The following KIRREL3 variants were observed in gnomAD, a reference collection of about 807,000 sequenced individuals.
KIRREL3 encodes kirre like nephrin family adhesion molecule 3.
In KIRREL3, 36 loss-of-function variants were observed where a neutral mutation model predicts 89.7. The ratio of observed to expected loss-of-function variants is 0.40; its 90% CI spans 0.31 to 0.53. The LOEUF is 0.53. KIRREL3 is among the 20% of genes least tolerant of loss of function. The probability of loss-of-function intolerance (pLI) is 0.49; values close to 1 mark genes in which losing one functional copy is unlikely to be tolerated. For synonymous variants in KIRREL3, 445 were observed against 441.4 expected, an observed-to-expected ratio of 1.01 and a Z score of -0.10; for missense variants, 864 against 1,056.6, an observed-to-expected ratio of 0.82 and a Z score of 2.53.
rs1019183851 is a variant in KIRREL3, at chr11:126,441,474, G to T, written c.1253-925C>A. On this transcript the variant is annotated intron_variant, in intron 10 of 16. Transcript: ENST00000525144. The surrounding 1 kb of genome is among the most constrained non-coding windows in gnomAD (Gnocchi z 5.0). ...AGAAGGAGCAGCTAGCTTAGCCTGGGCTCTGCTGGCTTCCTGGCTGGGCTG... is the reference window on the plus strand; with the variant it reads ...AGAAGGAGCAGCTAGCTTAGCCTGGTCTCTGCTGGCTTCCTGGCTGGGCTG... Among the ~76,000 whole-genome samples, 5 of 152,214 alleles carry T rather than the reference G, an allele frequency of 3.3e-5. No individual in the cohort carries two copies. The highest frequency in any genetic ancestry group is 1.2e-4 in the African/African-American group (5 of 41,454).
At chr11:126,862,280 A>T (rs1387708803) in intron 1 of KIRREL3, among the ~76,000 whole-genome samples, 1 of 152,204 alleles carries the variant, frequency 6.6e-6, no homozygotes, top group East Asian at 1.9e-4. Context: ...ACCCAAATGG[A>T]TTCTCAGCCA....
chr11:126,946,491 T>C lies in KIRREL3; in HGVS notation c.55+53964A>G, dbSNP rs1396610630. Among the ~76,000 whole-genome samples, 1 of 152,212 alleles carries C rather than the reference T, an allele frequency of 6.6e-6. No individual in the cohort carries two copies. The highest frequency in any genetic ancestry group is 1.5e-5 in the Non-Finnish European group (1 of 68,038). On this transcript the variant is annotated intron_variant, in intron 1 of 16. Coordinates refer to ENST00000525144, the MANE Select transcript of KIRREL3 (RefSeq NM_032531.4). The surrounding 1 kb of genome is among the most constrained non-coding windows in gnomAD (Gnocchi z 4.1). ...GACTAATACAAATGCCCATAAAATC[T>C]ACAGACTAGACTAGATGTTAAGTAA...
Position 126,747,990 on chromosome 11 carries a change from C to G in KIRREL3, c.56-185078G>C, listed in dbSNP as rs1038086546. On this transcript the variant is annotated intron_variant, in intron 1 of 16. Coordinates refer to ENST00000525144, the MANE Select transcript of KIRREL3 (RefSeq NM_032531.4). The surrounding 1 kb of genome is among the most constrained non-coding windows in gnomAD (Gnocchi z 4.7). ...ACTCTTTCTCAGTCTCCATCTGACC[C>G]GTGCCTAGCATCGTGGCCCCTGTAA... Among the ~76,000 whole-genome samples, 2 of 152,168 alleles carry G rather than the reference C, an allele frequency of 1.3e-5. No homozygotes were observed. The highest frequency in any genetic ancestry group is 4.8e-5 in the African/African-American group (2 of 41,440).
chr11:126,698,382 A>C (rs1023110822), intron 1 of KIRREL3, among the ~76,000 whole-genome samples: 1 of 152,192 alleles, frequency 6.6e-6, no homozygotes, highest in Non-Finnish European at 1.5e-5. Context: ...AAAGTTGTAT[A>C]ATCTCTCCAA....
intron 2 of KIRREL3, among the ~76,000 whole-genome samples, chr11:126,545,640 T>TAAAATAAAATAAAATAAAATAAAATA (rs367868978): frequency 1.5e-4 from 18 of 119,676 alleles, no homozygotes; most frequent in African/African-American, 5.6e-4. Context: ...TAAAATAAAA[T>TAAAATAAAATAAAATAAAATAAAATA]AAATAAAATA....
At position 126,564,742 on chromosome 11, in the gene KIRREL3, T is replaced by C. The variant is rs114042433; in HGVS notation, c.56-1830A>G. 7.9e-3 allele frequency among the ~76,000 whole-genome samples: 1,208 copies of C among 152,276 alleles called. 15 individuals are homozygous for C. The highest frequency in any genetic ancestry group is 0.028 in the African/African-American group (1,154 of 41,562). ...TTACTTACTGTATTTGTGGATTCTT[T>C]CTAACAACCACCTTCAAGAGGCAGG... On this transcript the variant is annotated intron_variant, in intron 1 of 16. Coordinates refer to ENST00000525144, the MANE Select transcript of KIRREL3 (RefSeq NM_032531.4). This position sits in a 1 kb window ranked among gnomAD's most constrained non-coding sequence, Gnocchi z 7.4.
chr11:126,921,192 C>T (rs969809791), intron 1 of KIRREL3, among the ~76,000 whole-genome samples: 3 of 152,288 alleles, frequency 2.0e-5, no homozygotes, highest in Non-Finnish European at 2.9e-5. Context: ...CTCTGGGACT[C>T]GCACCAGGGG....
At chr11:126,821,835 G>C (rs1238453521) in intron 1 of KIRREL3, among the ~76,000 whole-genome samples, 2 of 152,076 alleles carry the variant, frequency 1.3e-5, no homozygotes, top group African/African-American at 4.8e-5. Context: ...ATGGAGTTAG[G>C]GGACATATGC....
Position 126,521,577 on chromosome 11 carries a change from G to A in KIRREL3, c.284-113C>T, listed in dbSNP as rs1958588142. On this transcript the variant is annotated intron_variant, in intron 3 of 16. Coordinates refer to ENST00000525144, the MANE Select transcript of KIRREL3 (RefSeq NM_032531.4). The surrounding 1 kb of genome is among the most constrained non-coding windows in gnomAD (Gnocchi z 4.1). ...GGGGCCATTCTACAAGGCTGGCAGA[G>A]CGGGTGATTGCTCAGGGCTCTGATC... The A allele has an allele frequency of 1.1e-6, 1 of 907,840 alleles. No homozygotes were observed. The highest frequency in any genetic ancestry group is 2.4e-5 in the Admixed American group (1 of 41,372). The allele number at this position is 907,840 out of a possible 1,614,324, so 56.2% of individuals were successfully genotyped here.
At chr11:126,509,109 A>G (rs1006218381) in intron 4 of KIRREL3, among the ~76,000 whole-genome samples, 2 of 152,168 alleles carry the variant, frequency 1.3e-5, no homozygotes, top group Non-Finnish European at 2.9e-5. Flanking sequence ...AGAACTTCTC[A>G]TGAGTGAAAG....
intron 1 of KIRREL3, among the ~76,000 whole-genome samples, chr11:126,725,618 T>C (rs1019110984): frequency 6.6e-6 from 1 of 152,138 alleles, no homozygotes; most frequent in African/African-American, 2.4e-5. Flanking sequence ...TGGATGATGG[T>C]GGTAGAGGCC....
In KIRREL3 at chr11:126,712,025, T is replaced by A. The variant is rs184251210; in HGVS notation, c.56-149113A>T. Among the ~76,000 whole-genome samples, 1,270 of 152,292 alleles carry A rather than the reference T, an allele frequency of 8.3e-3. 14 individuals are homozygous for A. The highest frequency in any genetic ancestry group is 0.028 in the African/African-American group (1,180 of 41,556). On this transcript the variant is annotated intron_variant, in intron 1 of 16. Coordinates refer to ENST00000525144, the MANE Select transcript of KIRREL3 (RefSeq NM_032531.4). ...GAACTACTGTTTCTCAGCAAGGTGG[T>A]CCGGGCCTTCTGCCGTCAGCCAGCC...
At chr11:126,846,413 C>T (rs1357334059) in intron 1 of KIRREL3, among the ~76,000 whole-genome samples, 1 of 152,106 alleles carries the variant, frequency 6.6e-6, no homozygotes, top group Non-Finnish European at 1.5e-5. Flanking sequence ...ATAATAGAAG[C>T]TTAAATCAAA....
In KIRREL3 at chr11:126,521,480, G is replaced by A. The variant is rs371315414; in HGVS notation, c.284-16C>T. 6.3e-7 allele frequency: 1 copy of A among 1,575,340 alleles called. No individual in the cohort carries two copies. ...TGTGGGTAACCTGTGGAGACAACAGGCAGGTCAGGGAGCTGGGGTGGGGTG... is the reference window on the plus strand; with the variant it reads ...TGTGGGTAACCTGTGGAGACAACAGACAGGTCAGGGAGCTGGGGTGGGGTG... On this transcript the variant is annotated splice_polypyrimidine_tract_variant and intron_variant, in intron 3 of 16. Transcript: ENST00000525144. The surrounding 1 kb of genome is among the most constrained non-coding windows in gnomAD (Gnocchi z 4.1).
At chr11:126,552,550 G>GTTTTTTTTTTTTTTTTTTTTTTTTTT (rs59392843) in intron 2 of KIRREL3, among the ~76,000 whole-genome samples, 1 of 81,768 alleles carries the variant, frequency 1.2e-5, no homozygotes, top group Non-Finnish European at 2.3e-5. Flanking sequence ...AGAGAGAAAA[G>GTTTTTTTTTTTTTTTTTTTTTTTTTT]TTTTTTTTTT....
intron 1 of KIRREL3, among the ~76,000 whole-genome samples, chr11:126,832,982 T>C (rs1943660077): frequency 1.3e-5 from 2 of 152,190 alleles, no homozygotes; most frequent in African/African-American, 4.8e-5. Context: ...AAGCAGAGAA[T>C]TCCGCGTTTC....
intron 1 of KIRREL3, among the ~76,000 whole-genome samples, chr11:126,818,360 C>T (rs958439191): frequency 6.6e-6 from 1 of 152,146 alleles, no homozygotes; most frequent in African/African-American, 2.4e-5. Context: ...AGAAGAGGCT[C>T]AATAGGCTTT....
Position 126,970,143 on chromosome 11 carries a change from C to A in KIRREL3, c.55+30312G>T, listed in dbSNP as rs1949389393. 6.6e-6 allele frequency among the ~76,000 whole-genome samples: 1 copy of A among 152,168 alleles called. No individual in the cohort carries two copies. Among genetic ancestry groups the A allele is most frequent in the African/African-American group, 2.4e-5 (1 of 41,452 alleles). ...TGCCCCTGCCCCCTCAGGGATATAT[C>A]ATGCATTTGAAAAATTCTTTCTTCT... is the stretch of plus-strand genomic sequence containing the variant. On this transcript the variant is annotated intron_variant, in intron 1 of 16. Coordinates refer to ENST00000525144, the MANE Select transcript of KIRREL3 (RefSeq NM_032531.4). The surrounding 1 kb of genome is among the most constrained non-coding windows in gnomAD (Gnocchi z 4.4).
Position 126,441,945 on chromosome 11 carries a change from G to GT in KIRREL3, c.1253-1397dup, listed in dbSNP as rs1302605505. Among the ~76,000 whole-genome samples, 1 of 152,084 alleles carries GT rather than the reference G, an allele frequency of 6.6e-6. No homozygotes were observed. Among genetic ancestry groups the GT allele is most frequent in the Non-Finnish European group, 1.5e-5 (1 of 68,010 alleles). ...TGTTTTAGGAACCGGATGGTGCTTT[G>GT]TTTTATTGCTGGACTAAAACGTGAT... is the stretch of plus-strand genomic sequence containing the variant. On this transcript the variant is annotated intron_variant, in intron 10 of 16. Transcript: ENST00000525144. The surrounding 1 kb of genome is among the most constrained non-coding windows in gnomAD (Gnocchi z 5.0).
Sources: gnomAD v4.1 joint callset for allele counts (sites outside exome capture counted in the v4.1 genomes callset) on GRCh38, gnomAD v4.1.1 for gene constraint, Gnocchi (gnomAD v3.1) non-coding constraint, MANE v1.5 for transcripts, NCBI Gene and HGNC (gene_info 2026-07-23, HGNC 2026-07-21) for gene names.